The following DFFA variants were observed in gnomAD, a reference collection of about 807,000 sequenced individuals.
DFFA encodes DFF45.
A neutral mutation model predicts 28.0 loss-of-function variants in DFFA; 14 were observed. That is an observed-to-expected ratio of 0.50 (90% CI 0.33 to 0.78). The LOEUF (loss-of-function observed/expected upper bound fraction) is 0.78, where lower values mean the gene tolerates loss of function less well. Ranked by LOEUF, DFFA falls within the 30% of genes least tolerant of loss-of-function variation. The probability of loss-of-function intolerance (pLI) is 0.02; values close to 1 mark genes in which losing one functional copy is unlikely to be tolerated. For missense variants in DFFA, 395 were observed against 407.1 expected (o/e 0.97, Z 0.26); for synonymous variants, 158 against 170.3 (o/e 0.93, Z 0.56).
chr1:10,470,004 C>T (rs564210118), intron 1 of DFFA, among the ~76,000 whole-genome samples: 12 of 151,798 alleles, frequency 7.9e-5, no homozygotes, highest in East Asian at 1.9e-4. Context: ...TTAGTAGAGA[C>T]GGGGTTTCAC....
rs1290725524 is a variant in DFFA, at chr1:10,458,012, A to G, written c.*3478T>C. ...CTGGAGTTTGAGACCAGCCTGGGTA[A>G]CATGGTGAGTTTTAATGTACCCTGG... On this transcript the variant is annotated 3_prime_UTR_variant, in exon 6 of 6. Transcript: ENST00000377038. 6.6e-6 allele frequency: 1 copy of G among 152,208 alleles called. No individual in the cohort carries two copies. Among genetic ancestry groups the G allele is most frequent in the African/African-American group, 2.4e-5 (1 of 41,438 alleles). 9.4% of individuals were successfully genotyped at this position (152,208 alleles called of 1,614,324 possible).
intron 1 of DFFA, among the ~76,000 whole-genome samples, chr1:10,471,062 CAAA>C (rs59465527): frequency 3.1e-5 from 3 of 96,492 alleles, no homozygotes; most frequent in Admixed American, 1.3e-4. Flanking sequence ...CACTCCGTCT[CAAA>C]AAAAAAAAAA....
intron 3 of DFFA, among the ~76,000 whole-genome samples, chr1:10,466,024 TAC>T (rs1269816976): frequency 1.3e-5 from 2 of 150,450 alleles, no homozygotes; most frequent in Non-Finnish European, 3.0e-5. Context: ...GGTGCAAGCC[TAC>T]AGTCTCAGCT....
chr1:10,461,569 AG>A lies in DFFA; in HGVS notation c.916del (p.Leu306SerfsTer62). 1 of 1,614,188 alleles carries A rather than the reference AG, an allele frequency of 6.2e-7. No individual in the cohort carries two copies. Among genetic ancestry groups the A allele is most frequent in the Non-Finnish European group, 8.5e-7 (1 of 1,180,026 alleles). On this transcript the variant is annotated frameshift_variant, in exon 6 of 6. Transcript: ENST00000377038. LOFTEE classifies it low-confidence loss of function (END_TRUNC). ...RLQQTQSLHS[L>X]RSISASKASP... is the part of the protein sequence containing the mutation. ...GGCCTTGCTTGCTGAGATGCTCCGG[AG>A]AGAATGCAAGCTCTGCGTCTGCTGC... is the stretch of plus-strand genomic sequence containing the variant.
At chr1:10,471,936 G>A (rs1641103919) in intron 1 of DFFA, among the ~76,000 whole-genome samples, 1 of 152,134 alleles carries the variant, frequency 6.6e-6, no homozygotes, top group Non-Finnish European at 1.5e-5. Context: ...TGCCAGAGCG[G>A]ACGGTGGAAA....
At chr1:10,462,991 T>C (rs2124339994) in intron 5 of DFFA, 67 bp downstream of exon 5, 1 of 1,602,768 alleles carries the variant, frequency 6.2e-7, no homozygotes, top group East Asian at 2.2e-5. Context: ...CACACACCTC[T>C]GCATGATACT....
Position 10,461,187 on chromosome 1 carries a change from C to T in DFFA, c.*303G>A, listed in dbSNP as rs754025390. ...GGCCTCCCAGTGCTGGGATTACAGG[C>T]GTGAGCCACTGCGCCTGGCCAATCA... On this transcript the variant is annotated 3_prime_UTR_variant, in exon 6 of 6. Coordinates refer to ENST00000377038, the MANE Select transcript of DFFA (RefSeq NM_004401.3). 40 of 294,042 alleles carry T rather than the reference C, an allele frequency of 1.4e-4. No homozygotes were observed. Among genetic ancestry groups the T allele is most frequent in the East Asian group, 2.8e-4 (4 of 14,424 alleles). 18.2% of individuals were successfully genotyped at this position (294,042 alleles called of 1,614,324 possible).
At chr1:10,470,271 C>T (rs548426899) in intron 1 of DFFA, among the ~76,000 whole-genome samples, 1 of 152,240 alleles carries the variant, frequency 6.6e-6, no homozygotes, top group South Asian at 2.1e-4. Flanking sequence ...TTTAAACCCA[C>T]AAAGTCTGGC....
chr1:10,468,126 CA>C (rs540424038), intron 2 of DFFA, among the ~76,000 whole-genome samples: 13 of 35,258 alleles, frequency 3.7e-4, no homozygotes, highest in African/African-American at 1.3e-3. Flanking sequence ...CACTTCAGGA[CA>C]CTTTTTTTTT....
intron 1 of DFFA, among the ~76,000 whole-genome samples, chr1:10,470,482 A>G (rs1214960737): frequency 2.3e-4 from 31 of 132,396 alleles, no homozygotes; most frequent in African/African-American, 8.4e-4. Flanking sequence ...TGGAGTGCCC[A>G]GGCGCTATCT....
rs1438326782 is a variant in DFFA at position 10,458,449 on chromosome 1, C to T, written c.*3041G>A. The T allele has an allele frequency of 1.3e-5, 2 of 151,230 alleles. No individual in the cohort carries two copies. The highest frequency in any genetic ancestry group is 4.9e-5 in the African/African-American group (2 of 41,086). 9.4% of individuals were successfully genotyped at this position (151,230 alleles called of 1,614,324 possible). ...TGCTGAGTAGAAGATCTAAGCCCTT[C>T]TTGAATCACAGGAAAAGGAAACAGT... On this transcript the variant is annotated 3_prime_UTR_variant, in exon 6 of 6. Transcript: ENST00000377038.
chr1:10,464,687 C>T (rs1286475801), intron 3 of DFFA, among the ~76,000 whole-genome samples: 1 of 152,136 alleles, frequency 6.6e-6, no homozygotes, highest in African/African-American at 2.4e-5. Context: ...TGCACTCCAG[C>T]CTGGGTGACA....
chr1:10,469,183 T>G lies in DFFA; in HGVS notation c.292A>C (p.Asn98His). The G allele has an allele frequency of 6.2e-7, 1 of 1,613,808 alleles. No homozygotes were observed. Among genetic ancestry groups the G allele is most frequent in the Non-Finnish European group, 8.5e-7 (1 of 1,179,986 alleles). The change falls in exon 2 of 6, where the codon AAT (asparagine) becomes CAT (histidine). Residue 98 changes from asparagine to histidine, a missense_variant. By Grantham distance (68) the Asn-to-His change is moderately conservative. Coordinates refer to ENST00000377038, the MANE Select transcript of DFFA (RefSeq NM_004401.3). ...LASNEKWAYNNSDGGTAWISQ... is the reference protein window; with the variant it reads ...LASNEKWAYNHSDGGTAWISQ... Reference sequence around the variant, plus strand: ...CATGGCTAGAGTTTCTTACCTGAATTGTTGTATGCCCATTTCTCATTACTA... The same window carrying G: ...CATGGCTAGAGTTTCTTACCTGAATGGTTGTATGCCCATTTCTCATTACTA...
chr1:10,462,138 G>T (rs148038511), intron 5 of DFFA, among the ~76,000 whole-genome samples: 1 of 151,954 alleles, frequency 6.6e-6, no homozygotes, highest in Non-Finnish European at 1.5e-5. Flanking sequence ...GATTACAGGC[G>T]TGAGCCACCG....
rs1641061923 is a variant in DFFA at position 10,469,250 on chromosome 1, G to A, written c.225C>T (p.Tyr75=). The change falls in exon 2 of 6, where the codon TAC becomes TAT. Residue 75 remains tyrosine, a synonymous_variant. Coordinates refer to ENST00000377038, the MANE Select transcript of DFFA (RefSeq NM_004401.3). Reference sequence around the variant, plus strand: ...TAGTATTGGAAGGTAGACACAGAAAGTAATCGTCATCATCCACTATGGTGC... The same window carrying A: ...TAGTATTGGAAGGTAGACACAGAAAATAATCGTCATCATCCACTATGGTGC... The part of the protein sequence containing the change: ...EDGTIVDDDD[Y]FLCLPSNTKF... The A allele has an allele frequency of 3.1e-6, 5 of 1,614,196 alleles. No individual in the cohort carries two copies. In the East Asian group the frequency reaches 1.1e-4, roughly 36 times the overall value.
At position 10,461,435 on chromosome 1, in the gene DFFA, G is replaced by T; in HGVS notation, c.*55C>A. On this transcript the variant is annotated 3_prime_UTR_variant, in exon 6 of 6. Transcript: ENST00000377038. The stretch of plus-strand genomic sequence containing the variant: ...AGGTAGTCAAATGATGAGGCTGAGG[G>T]TGTCTACCAATAACACAACGCCACA... The T allele has an allele frequency of 1.2e-5, 18 of 1,564,088 alleles. No individual in the cohort carries two copies. The highest frequency in any genetic ancestry group is 1.6e-5 in the Non-Finnish European group (18 of 1,152,524).
intron 4 of DFFA, 73 bp downstream of exon 4, chr1:10,463,356 CAA>C (rs1640976797): frequency 6.4e-7 from 1 of 1,556,924 alleles, no homozygotes; most frequent in Admixed American, 1.8e-5. Context: ...GGCTACATCA[CAA>C]ATAGTGTCCT....
At chr1:10,465,400 G>A (rs1290269725) in intron 3 of DFFA, among the ~76,000 whole-genome samples, 2 of 146,276 alleles carry the variant, frequency 1.4e-5, no homozygotes, top group African/African-American at 4.9e-5. Context: ...TGAGTAGCTG[G>A]GATTACAGGT....
At position 10,463,151 on chromosome 1, in the gene DFFA, C is replaced by A. The variant is rs201283888; in HGVS notation, c.690G>T (p.Glu230Asp). 6.2e-7 allele frequency: 1 copy of A among 1,614,164 alleles called. No individual in the cohort carries two copies. The highest frequency in any genetic ancestry group is 1.3e-5 in the African/African-American group (1 of 75,044). The change falls in exon 5 of 6, where the codon GAG becomes GAT. Residue 230 changes from glutamate (E) to aspartate (D), a missense_variant. Coordinates refer to ENST00000377038, the MANE Select transcript of DFFA (RefSeq NM_004401.3). ...TCGCCAGCGCAACGTCCGAGGAGGT[C>A]TCTCTGCTGATACCCGTGTCTACTG... ...VDAVDTGISR[E>D]TSSDVALASH...
Sources: gnomAD v4.1 joint callset for allele counts (sites outside exome capture counted in the v4.1 genomes callset) on GRCh38, gnomAD v4.1.1 for gene constraint, MANE v1.5 for transcripts, NCBI Gene and HGNC (gene_info 2026-07-23, HGNC 2026-07-21) for gene names.